SAE1: variants seen among roughly 807,000 people sequenced by gnomAD.
SAE1 encodes the protein SUMO-activating enzyme subunit 1.
SAE1 carries 11 observed loss-of-function variants against 40.6 expected under a neutral mutation model. That is an observed-to-expected ratio of 0.27 (90% CI 0.17 to 0.45). The LOEUF is 0.45. SAE1 is among the 20% of genes least tolerant of loss of function. The pLI is 1.00. For missense variants in SAE1, 373 were observed against 427.3 expected, an observed-to-expected ratio of 0.87 and a Z score of 1.12; for synonymous variants, 155 against 154.3, an observed-to-expected ratio of 1.00 and a Z score of -0.03.
chr19:47,185,571 G>A (rs1473259325), intron 6 of SAE1, among the ~76,000 whole-genome samples: 1 of 152,038 alleles, frequency 6.6e-6, no homozygotes, highest in Non-Finnish European at 1.5e-5. Context: ...CTACCAAAGT[G>A]CTGGGATTAC....
intron 2 of SAE1, among the ~76,000 whole-genome samples, chr19:47,148,025 G>C (rs890941098): frequency 1.3e-5 from 2 of 152,012 alleles, no homozygotes; most frequent in African/African-American, 4.8e-5. Flanking sequence ...CTCCCAAAGT[G>C]CTGGGATTAC....
chr19:47,207,260 A>G (rs899131530), intron 8 of SAE1, among the ~76,000 whole-genome samples: 5 of 152,246 alleles, frequency 3.3e-5, no homozygotes, highest in African/African-American at 1.2e-4. Flanking sequence ...TTACAAATAA[A>G]TAAAATTTCC....
intron 5 of SAE1, among the ~76,000 whole-genome samples, chr19:47,160,556 G>C (rs972067929): frequency 2.0e-5 from 3 of 151,758 alleles, no homozygotes; most frequent in Non-Finnish European, 4.4e-5. Context: ...CGCCATGCCC[G>C]ACTAATTTTT....
At chr19:47,198,804 G>A (rs1325006703) in intron 7 of SAE1, among the ~76,000 whole-genome samples, 1 of 152,158 alleles carries the variant, frequency 6.6e-6, no homozygotes, top group Non-Finnish European at 1.5e-5. Context: ...AGCCATGATT[G>A]TCCTGGTACA....
chr19:47,181,813 ATTTT>A (rs985920836), intron 6 of SAE1, among the ~76,000 whole-genome samples: 1 of 100,306 alleles, frequency 1.0e-5, no homozygotes, highest in Middle Eastern at 6.7e-3. Context: ...ATTTTACAGA[ATTTT>A]TTTTTTTTTT....
At chr19:47,144,648 G>A (rs1474390185) in intron 2 of SAE1, among the ~76,000 whole-genome samples, 2 of 151,932 alleles carry the variant, frequency 1.3e-5, no homozygotes, top group African/African-American at 4.8e-5. Flanking sequence ...GCAACGAGCC[G>A]AGATCATGCC....
intron 5 of SAE1, among the ~76,000 whole-genome samples, chr19:47,163,166 A>C (rs2058369381): frequency 2.6e-5 from 4 of 151,972 alleles, no homozygotes; most frequent in Admixed American, 6.6e-5. Flanking sequence ...TAATATATAT[A>C]GTTAGCTCTC....
At chr19:47,197,163 A>T (rs1433277391) in intron 6 of SAE1, 70 bp from the exon 7 acceptor site, 1 of 1,484,888 alleles carries the variant, frequency 6.7e-7, no homozygotes, top group Non-Finnish European at 9.1e-7. Context: ...CCTGGGCGAC[A>T]GTGTGAGCCT....
chr19:47,163,750 A>T (rs2058372868), intron 5 of SAE1, among the ~76,000 whole-genome samples: 1 of 152,122 alleles, frequency 6.6e-6, no homozygotes, highest in Non-Finnish European at 1.5e-5. Flanking sequence ...TAAATAAAGT[A>T]TATGGGAGGA....
chr19:47,159,082 C>T (rs1333239308), intron 5 of SAE1, among the ~76,000 whole-genome samples: 1 of 152,112 alleles, frequency 6.6e-6, no homozygotes, highest in African/African-American at 2.4e-5. Context: ...TCTGTAATAG[C>T]TCTTTAAAAA....
rs1309775161 is a variant in SAE1, at chr19:47,209,879, A to C, written c.*628A>C. The stretch of plus-strand genomic sequence containing the variant: ...TTGAGTTTTCGTTTAGGATTAGTTG[A>C]GTTCCAGCTGGGTTTTGGGAGAAAG... On this transcript the variant is annotated 3_prime_UTR_variant, in exon 9 of 9. Transcript: ENST00000270225. 6.6e-6 allele frequency: 1 copy of C among 152,334 alleles called. No individual in the cohort carries two copies. Among genetic ancestry groups the C allele is most frequent in the Non-Finnish European group, 1.5e-5 (1 of 68,146 alleles). 9.4% of individuals were successfully genotyped at this position (152,334 alleles called of 1,614,324 possible). A position where few individuals can be genotyped will look rare whatever the true frequency, so the allele number is the denominator to read the frequency against.
intron 8 of SAE1, among the ~76,000 whole-genome samples, chr19:47,204,919 G>A (rs1406549444): frequency 1.3e-5 from 2 of 152,130 alleles, no homozygotes; most frequent in African/African-American, 4.8e-5. Flanking sequence ...CTGTTAGGTA[G>A]GTGTTAGTGT....
intron 8 of SAE1, among the ~76,000 whole-genome samples, chr19:47,204,509 C>CCTTTTTT (rs398034856): frequency 8.9e-6 from 1 of 112,982 alleles, no homozygotes; most frequent in African/African-American, 3.4e-5. Flanking sequence ...CACCCCCCCC[C>CCTTTTTT]TTTTTTTTTT....
rs530155398 is a variant in SAE1, at chr19:47,188,010, G to C, written c.734-9223G>C. Among the ~76,000 whole-genome samples the C allele has an allele frequency of 9.2e-5, 14 of 152,242 alleles. No homozygotes were observed. The South Asian group carries it at 2.7e-3, about 29-fold the overall frequency. ...CAGAGCATAAAAATCTAATGGAGGAGACAAGCCAGTCCTTGTGCTAGTTCA... is the reference window on the plus strand; with the variant it reads ...CAGAGCATAAAAATCTAATGGAGGACACAAGCCAGTCCTTGTGCTAGTTCA... On this transcript the variant is annotated intron_variant, in intron 6 of 8. Transcript: ENST00000270225.
intron 1 of SAE1, among the ~76,000 whole-genome samples, chr19:47,133,900 T>G (rs2058162841): frequency 6.6e-6 from 1 of 151,532 alleles, no homozygotes; most frequent in South Asian, 2.1e-4. Flanking sequence ...TCTCACTCTG[T>G]CGCCCAGGCT....
intron 5 of SAE1, among the ~76,000 whole-genome samples, chr19:47,157,789 G>A (rs903639250): frequency 6.6e-6 from 1 of 152,132 alleles, no homozygotes. Flanking sequence ...ATGCAGGCTC[G>A]GATTCCAACC....
intron 6 of SAE1, among the ~76,000 whole-genome samples, chr19:47,194,887 C>T (rs1364498855): frequency 1.3e-5 from 2 of 151,498 alleles, no homozygotes; most frequent in Admixed American, 6.6e-5. Flanking sequence ...GGACTACAGG[C>T]GTGCGCCACC....
chr19:47,156,063 C>CA (rs1193120659), intron 5 of SAE1, among the ~76,000 whole-genome samples: 1 of 151,288 alleles, frequency 6.6e-6, no homozygotes, highest in African/African-American at 2.4e-5. Flanking sequence ...TTTAAAGCAG[C>CA]AAAACACCAG....
At chr19:47,186,664 C>G (rs3745621) in intron 6 of SAE1, among the ~76,000 whole-genome samples, 37,230 of 151,952 alleles carry the variant, frequency 0.25, 4,667 homozygotes, top group South Asian at 0.4. Context: ...AACTTTCATC[C>G]GGCGCCTCGG....
Sources: allele counts gnomAD v4.1 joint callset (sites outside exome capture counted in the v4.1 genomes callset), GRCh38; gene constraint gnomAD v4.1.1; transcripts MANE v1.5; gene names NCBI Gene and HGNC (gene_info 2026-07-23, HGNC 2026-07-21).